Variants in PDE4D observed in about 807,000 individuals in gnomAD.
The protein encoded by PDE4D is 3',5'-cyclic-AMP phosphodiesterase 4D.
A neutral mutation model predicts 87.4 loss-of-function variants in PDE4D; 24 were observed. The observed-to-expected ratio is 0.27, with a 90% CI of 0.20 to 0.39. The LOEUF (loss-of-function observed/expected upper bound fraction) is 0.39, where lower values mean the gene tolerates loss of function less well. Among genes scored for constraint, PDE4D ranks in the 10% least tolerant of loss-of-function variants. The probability of loss-of-function intolerance (pLI) is 1.00; values close to 1 mark genes in which losing one functional copy is unlikely to be tolerated. For missense variants in PDE4D, 714 were observed against 1,041.0 expected, an observed-to-expected ratio of 0.69 and a Z score of 4.32; for synonymous variants, 384 against 383.2, an observed-to-expected ratio of 1.00 and a Z score of -0.02.
Position 60,304,596 on chromosome 5 carries a change from G to T in PDE4D, c.-89-118909C>A, listed in dbSNP as rs1754284975. Among the ~76,000 whole-genome samples, 2 of 142,880 alleles carry T rather than the reference G, an allele frequency of 1.4e-5. 1 individual carries two copies. The highest frequency in any genetic ancestry group is 1.4e-4 in the Admixed American group (2 of 14,080). 93.7% of individuals were successfully genotyped at this position (142,880 alleles called of 152,430 possible). On this transcript the variant is annotated intron_variant, in intron 1 of 16. Coordinates refer to the PDE4D transcript ENST00000502484. ...GGAAGCGGAGCTTGCAGTGAGCCGAGATTGCGCCACTGCAGTCCGCAGTCC... is the reference window on the plus strand; with the variant it reads ...GGAAGCGGAGCTTGCAGTGAGCCGATATTGCGCCACTGCAGTCCGCAGTCC...
chr5:59,771,553 A>AGAAAGAAAGAAAGAAAGAAG, intron 1 of PDE4D, among the ~76,000 whole-genome samples: 1 of 151,806 alleles, frequency 6.6e-6, no homozygotes, highest in Admixed American at 6.6e-5. Context: ...AAAGAAAGAA[A>AGAAAGAAAGAAAGAAAGAAG]AGAAAGAATG....
At chr5:60,246,758 C>T (rs1747825897) in intron 1 of PDE4D, among the ~76,000 whole-genome samples, 1 of 151,710 alleles carries the variant, frequency 6.6e-6, no homozygotes, top group Admixed American at 6.6e-5. Context: ...TTTGTGTTTG[C>T]TAACTCTCAC....
chr5:59,321,189 A>G (rs1167087021), intron 1 of PDE4D, among the ~76,000 whole-genome samples: 1 of 152,042 alleles, frequency 6.6e-6, no homozygotes, highest in Non-Finnish European at 1.5e-5. Context: ...TGTTCCACCA[A>G]CATGGCACCC....
At chr5:60,209,681 T>C (rs1742964169) in intron 1 of PDE4D, among the ~76,000 whole-genome samples, 1 of 148,804 alleles carries the variant, frequency 6.7e-6, no homozygotes, top group African/African-American at 2.5e-5. Flanking sequence ...GGCAGAGAGA[T>C]GAGAAAGAGA....
chr5:59,118,698 C>T (rs1274162797), intron 5 of PDE4D, among the ~76,000 whole-genome samples: 1 of 152,182 alleles, frequency 6.6e-6, no homozygotes, highest in Non-Finnish European at 1.5e-5. Context: ...GGTTGTTCTC[C>T]TCTCTTTGTG....
chr5:59,945,674 C>A (rs1028740105), intron 3 of PDE4D, among the ~76,000 whole-genome samples: 5 of 152,230 alleles, frequency 3.3e-5, no homozygotes, highest in Admixed American at 6.5e-5. Flanking sequence ...CTGTTAGAGA[C>A]CTTGATAAGA....
intron 1 of PDE4D, among the ~76,000 whole-genome samples, chr5:59,364,990 T>C (rs1416950760): frequency 6.6e-6 from 1 of 152,104 alleles, no homozygotes; most frequent in Non-Finnish European, 1.5e-5. Flanking sequence ...AAACAATTCA[T>C]GCCCAAAGAG....
At chr5:59,428,480 A>G (rs1795640810) in intron 1 of PDE4D, among the ~76,000 whole-genome samples, 1 of 152,082 alleles carries the variant, frequency 6.6e-6, no homozygotes, top group South Asian at 2.1e-4. Context: ...GCCAAAAACC[A>G]CAACCGAGAT....
intron 1 of PDE4D, among the ~76,000 whole-genome samples, chr5:60,277,922 C>T (rs1751538872): frequency 6.6e-6 from 1 of 152,080 alleles, no homozygotes; most frequent in Admixed American, 6.5e-5. Flanking sequence ...TAGAACCACA[C>T]CAGAAAATGT....
intron 1 of PDE4D, among the ~76,000 whole-genome samples, chr5:60,457,855 T>G (rs1444127243): frequency 2.0e-5 from 3 of 152,212 alleles, no homozygotes; most frequent in Non-Finnish European, 4.4e-5. Flanking sequence ...TTAATAGGCA[T>G]GGTTGATGTG....
At chr5:59,444,167 C>T (rs1798025608) in intron 1 of PDE4D, among the ~76,000 whole-genome samples, 1 of 152,158 alleles carries the variant, frequency 6.6e-6, no homozygotes, top group Non-Finnish European at 1.5e-5. Context: ...TTGGGCTATT[C>T]ATACTTACAG....
intron 5 of PDE4D, among the ~76,000 whole-genome samples, chr5:59,052,707 C>T (rs1211086527): frequency 6.6e-6 from 1 of 152,128 alleles, no homozygotes; most frequent in Non-Finnish European, 1.5e-5. Context: ...CTTCTCTGTA[C>T]CTCAGTTTTC....
intron 1 of PDE4D, among the ~76,000 whole-genome samples, chr5:59,539,826 A>C (rs1815983433): frequency 6.6e-6 from 1 of 152,196 alleles, no homozygotes; most frequent in African/African-American, 2.4e-5. Context: ...ACACACAGAC[A>C]CATACATACA....
At chr5:60,020,829 AC>A (rs1252049963) in intron 2 of PDE4D, among the ~76,000 whole-genome samples, 1 of 152,222 alleles carries the variant, frequency 6.6e-6, no homozygotes, top group African/African-American at 2.4e-5. Context: ...ACATTAAGCC[AC>A]AACATAAGGA....
intron 1 of PDE4D, among the ~76,000 whole-genome samples, chr5:59,446,607 T>C (rs1177479685): frequency 6.6e-6 from 1 of 152,226 alleles, no homozygotes; most frequent in Non-Finnish European, 1.5e-5. Flanking sequence ...ATCAATGAAT[T>C]TCAAAAACAT....
chr5:59,633,869 A>T (rs1831892023), intron 1 of PDE4D, among the ~76,000 whole-genome samples: 1 of 152,202 alleles, frequency 6.6e-6, no homozygotes, highest in Non-Finnish European at 1.5e-5. Context: ...TAATGACAGG[A>T]TCAAATTCAT....
At chr5:59,505,708 T>C (rs914766169) in intron 1 of PDE4D, among the ~76,000 whole-genome samples, 1 of 152,208 alleles carries the variant, frequency 6.6e-6, no homozygotes, top group Non-Finnish European at 1.5e-5. Context: ...ACTTACCTCA[T>C]ATTCAATGTC....
intron 2 of PDE4D, among the ~76,000 whole-genome samples, chr5:60,051,762 A>T (rs893167116): frequency 1.6e-4 from 25 of 151,752 alleles, no homozygotes; most frequent in African/African-American, 3.9e-4. Flanking sequence ...GTTTTTTTTT[A>T]AAAAAGATTA....
intron 1 of PDE4D, among the ~76,000 whole-genome samples, chr5:59,320,521 C>T (rs1049400768): frequency 8.5e-5 from 13 of 152,102 alleles, no homozygotes; most frequent in South Asian, 6.2e-4. Flanking sequence ...AACTTCAAAG[C>T]GTGTACTTAT....
Sources: gnomAD v4.1 joint callset for allele counts (sites outside exome capture counted in the v4.1 genomes callset) on GRCh38, gnomAD v4.1.1 for gene constraint, MANE v1.5 for transcripts, NCBI Gene and HGNC (gene_info 2026-07-23, HGNC 2026-07-21) for gene names.